The following ANKAR variants were observed in gnomAD, a reference collection of about 807,000 sequenced individuals.
The protein encoded by ANKAR is ankyrin and armadillo repeat containing.
In ANKAR, 136 loss-of-function variants were observed where a neutral mutation model predicts 146.2. The ratio of observed to expected loss-of-function variants is 0.93; its 90% CI spans 0.81 to 1.07. ANKAR has a LOEUF of 1.07. ANKAR is among the 50% of genes least tolerant of loss of function. ANKAR has a pLI of 0.00. For synonymous variants in ANKAR, 500 were observed against 575.8 expected (o/e 0.87, Z 1.88); for missense variants, 1,567 against 1,679.9 (o/e 0.93, Z 1.18).
At chr2:189,737,530 A>G (rs567429864) in intron 17 of ANKAR, among the ~76,000 whole-genome samples, 153 bp from the exon 18 acceptor site, 4 of 152,336 alleles carry the variant, frequency 2.6e-5, no homozygotes, top group South Asian at 2.1e-4. Flanking sequence ...ACAACATTCT[A>G]GAGTAACTAT....
intron 2 of ANKAR, among the ~76,000 whole-genome samples, chr2:189,686,188 G>A (rs1043886205): frequency 6.6e-6 from 1 of 152,092 alleles, no homozygotes; most frequent in Non-Finnish European, 1.5e-5. Context: ...AAACCCAAGA[G>A]TATTCTGGCC....
At chr2:189,740,459 A>T (rs1253125051) in intron 19 of ANKAR, among the ~76,000 whole-genome samples, 1 of 152,204 alleles carries the variant, frequency 6.6e-6, no homozygotes, top group African/African-American at 2.4e-5. Flanking sequence ...GTATCCACAT[A>T]CTCCACACAG....
intron 18 of ANKAR, among the ~76,000 whole-genome samples, chr2:189,758,344 G>A (rs1314774678): frequency 6.6e-6 from 1 of 151,940 alleles, no homozygotes; most frequent in Non-Finnish European, 1.5e-5. Context: ...TTGCACCATT[G>A]CACTCTGGTC....
At chr2:189,744,393 C>T (rs1308313273) in intron 21 of ANKAR, among the ~76,000 whole-genome samples, 1 of 152,158 alleles carries the variant, frequency 6.6e-6, no homozygotes, top group African/African-American at 2.4e-5. Flanking sequence ...TTTACACAGT[C>T]ACTCCCACAG....
At position 189,727,707 on chromosome 2, in the gene ANKAR, A is replaced by G. The variant is rs145385339; in HGVS notation, c.2636-149A>G. The G allele has an allele frequency of 7.9e-5, 73 of 922,598 alleles. No homozygotes were observed. The African/African-American group carries it at 1.2e-3, about 15-fold the overall frequency. The allele number at this position is 922,598 out of a possible 1,614,324, so 57.2% of individuals were successfully genotyped here. A position where few individuals can be genotyped will look rare whatever the true frequency, so the allele number is the denominator to read the frequency against. On this transcript the variant is annotated intron_variant, in intron 12 of 22. Transcript: ENST00000684021. Reference sequence around the variant, plus strand: ...TTGATTGTGTTTAGGTGGTAAATCTAGCCAGTTTTGTTTATTTCTATTTTT... The same window carrying G: ...TTGATTGTGTTTAGGTGGTAAATCTGGCCAGTTTTGTTTATTTCTATTTTT...
downstream of ANKAR, chr2:189,761,738 G>A: frequency 7.3e-7 from 1 of 1,377,124 alleles, no homozygotes; most frequent in Non-Finnish European, 9.5e-7. Context: ...TAGTTTTACA[G>A]AATTACAGGA....
At chr2:189,746,771 C>A, downstream of ANKAR, 1 of 947,946 alleles carries the variant, frequency 1.1e-6, no homozygotes, top group South Asian at 2.2e-5. Context: ...TTTTCCTTAG[C>A]ATGTCTACAG....
intron 12 of ANKAR, among the ~76,000 whole-genome samples, chr2:189,727,242 GATA>G (rs2041972177): frequency 6.6e-6 from 1 of 152,100 alleles, no homozygotes; most frequent in Non-Finnish European, 1.5e-5. Context: ...TATTTTTAAT[GATA>G]ATACTCATAC....
At chr2:189,738,011 C>A (rs1211781249) in intron 18 of ANKAR, among the ~76,000 whole-genome samples, 170 bp downstream of exon 18, 1 of 152,142 alleles carries the variant, frequency 6.6e-6, no homozygotes, top group African/African-American at 2.4e-5. Flanking sequence ...ATGAGGATTT[C>A]TTCATTAATA....
At chr2:189,750,679 G>A (rs376160284), downstream of ANKAR, 24 of 1,538,090 alleles carry the variant, frequency 1.6e-5, no homozygotes, top group Admixed American at 1.3e-4. Flanking sequence ...CAGACAAATC[G>A]TATTATTTAT....
At chr2:189,743,240 C>T (rs771921135) in intron 20 of ANKAR, 35 bp from the exon 21 acceptor site, 2 of 1,588,716 alleles carry the variant, frequency 1.3e-6, no homozygotes, top group South Asian at 1.1e-5. Flanking sequence ...AAGAACAAAG[C>T]CCACTGGTTA....
chr2:189,754,445 C>T, intron 18 of ANKAR: 1 of 1,109,956 alleles, frequency 9.0e-7, no homozygotes, highest in Non-Finnish European at 1.3e-6. Flanking sequence ...AACAAAAAAC[C>T]CCTGAATGAA....
At chr2:189,752,119 G>A (rs2105978246) in intron 18 of ANKAR, among the ~76,000 whole-genome samples, 1 of 151,922 alleles carries the variant, frequency 6.6e-6, no homozygotes, top group African/African-American at 2.4e-5. Context: ...ACTCTAGCCT[G>A]GGTGACACTA....
In ANKAR at chr2:189,743,457, G is replaced by A; in HGVS notation, c.3993G>A (p.Val1331=). ...AATTTCAAATGCAACAAACACTGGT[G>A]GGACTTCCTTCCTTAAGGTATGGTC... ...LKEFQMQQTL[V]GLPSLSLEKN... Residue 1331 remains valine, a synonymous_variant, in exon 21 of 23, where the codon GTG becomes GTA. Transcript: ENST00000684021. 1 of 1,613,540 alleles carries A rather than the reference G, an allele frequency of 6.2e-7. No homozygotes were observed. The highest frequency in any genetic ancestry group is 8.5e-7 in the Non-Finnish European group (1 of 1,179,740).
chr2:189,686,369 G>C (rs2035596520), intron 2 of ANKAR, among the ~76,000 whole-genome samples: 1 of 152,116 alleles, frequency 6.6e-6, no homozygotes. Flanking sequence ...TAACATTGTA[G>C]ATATAACTAT....
chr2:189,714,969 AG>A (rs2040239030), intron 10 of ANKAR, among the ~76,000 whole-genome samples: 192 of 86,940 alleles, frequency 2.2e-3, no homozygotes, highest in Non-Finnish European at 2.9e-3. Context: ...AAAAAAAAAG[AG>A]AGAGAGAGAG....
downstream of ANKAR, chr2:189,761,780 G>A (rs2047095771): frequency 2.0e-6 from 2 of 989,104 alleles, no homozygotes; most frequent in Non-Finnish European, 2.8e-6. Context: ...AGTTTGTAAA[G>A]GCTATAGCAA....
intron 12 of ANKAR, among the ~76,000 whole-genome samples, chr2:189,722,138 C>T (rs1009628277): frequency 5.3e-5 from 8 of 151,930 alleles, no homozygotes; most frequent in Admixed American, 3.3e-4. Flanking sequence ...GTCAGGAGTT[C>T]GAGACTGCCT....
intron 19 of ANKAR, among the ~76,000 whole-genome samples, chr2:189,740,855 G>A (rs1193323652): frequency 1.3e-5 from 2 of 151,830 alleles, no homozygotes; most frequent in East Asian, 1.9e-4. Flanking sequence ...CACCACGCCC[G>A]GCTAATTTTT....
Sources: allele counts gnomAD v4.1 joint callset (sites outside exome capture counted in the v4.1 genomes callset), GRCh38; gene constraint gnomAD v4.1.1; transcripts MANE v1.5; gene names NCBI Gene and HGNC (gene_info 2026-07-23, HGNC 2026-07-21).